Variants in CHAC1 observed in about 807,000 individuals in gnomAD.
CHAC1 encodes the protein glutathione-specific gamma-glutamylcyclotransferase 1.
A neutral mutation model predicts 22.1 loss-of-function variants in CHAC1; 22 were observed. The observed-to-expected ratio is 1.00, with a 90% CI of 0.71 to 1.42. The LOEUF is 1.42. CHAC1 is among the 40% of genes most tolerant of loss of function. CHAC1 has a pLI of 0.00. For missense variants in CHAC1, 272 were observed against 299.2 expected, an observed-to-expected ratio of 0.91 and a Z score of 0.67; for synonymous variants, 145 against 128.7, an observed-to-expected ratio of 1.13 and a Z score of -0.86.
In CHAC1 at chr15:40,956,184, C is replaced by T. The variant is rs1893242606; in HGVS notation, c.*410C>T. On this transcript the variant is annotated 3_prime_UTR_variant, in exon 3 of 3. Transcript: ENST00000617768. Reference sequence around the variant, plus strand: ...CAGCCATCCATAGCCCTGGGAATTCCACCTGCCAAGGATCCCAGCAGGCTG... The same window carrying T: ...CAGCCATCCATAGCCCTGGGAATTCTACCTGCCAAGGATCCCAGCAGGCTG... 2 of 175,770 alleles carry T rather than the reference C, an allele frequency of 1.1e-5. No homozygotes were observed. Among genetic ancestry groups the T allele is most frequent in the South Asian group, 1.4e-4 (1 of 6,954 alleles). The allele number at this position is 175,770 out of a possible 1,614,324, so 10.9% of individuals were successfully genotyped here.
intron 1 of CHAC1, 170 bp from the exon 2 acceptor site, chr15:40,954,058 T>G: frequency 1.4e-6 from 1 of 723,700 alleles, no homozygotes; most frequent in Non-Finnish European, 2.3e-6. Flanking sequence ...TTTCTGGACG[T>G]TTCTCCTACA....
Position 40,956,010 on chromosome 15 carries a change from C to T in CHAC1, c.*236C>T. On this transcript the variant is annotated 3_prime_UTR_variant, in exon 3 of 3. Transcript: ENST00000617768. ...GTTGGTGTGGTGGGCAGGTGGAGGG[C>T]CTGCCCTGGACACAGGGGCCCTGCT... The T allele has an allele frequency of 1.8e-6, 1 of 542,252 alleles. No homozygotes were observed. The highest frequency in any genetic ancestry group is 3.3e-6 in the Non-Finnish European group (1 of 306,354). 33.6% of individuals were successfully genotyped at this position (542,252 alleles called of 1,614,324 possible).
intron 2 of CHAC1, among the ~76,000 whole-genome samples, chr15:40,954,780 T>C (rs2140380162): frequency 6.6e-6 from 1 of 152,140 alleles, no homozygotes; most frequent in South Asian, 2.1e-4. Flanking sequence ...ATTTTTGTAT[T>C]TTTAGTAGAG....
intron 1 of CHAC1, 129 bp from the exon 2 acceptor site, chr15:40,954,099 A>G (rs900487103): frequency 2.1e-6 from 2 of 943,394 alleles, no homozygotes; most frequent in Admixed American, 2.0e-5. Context: ...CTTCCCCTGC[A>G]TGAATGGGAC....
chr15:40,956,474 A>G lies in CHAC1; in HGVS notation c.*700A>G, dbSNP rs1353315439. On this transcript the variant is annotated 3_prime_UTR_variant, in exon 3 of 3. Coordinates refer to ENST00000617768, the MANE Select transcript of CHAC1 (RefSeq NM_024111.6). ...CACTACAGGCCCTGGCAACCTTCCC[A>G]GTCTGTCCCATACTGTTACCCATAA... 1 of 152,478 alleles carries G rather than the reference A, an allele frequency of 6.6e-6. No homozygotes were observed. Among genetic ancestry groups the G allele is most frequent in the African/African-American group, 2.4e-5 (1 of 41,436 alleles). The allele number at this position is 152,478 out of a possible 1,614,324, so 9.4% of individuals were successfully genotyped here.
Position 40,953,492 on chromosome 15 carries a change from CCAGGCCAGGTGTGTG to C in CHAC1, c.-90_-76del. On this transcript the variant is annotated 5_prime_UTR_variant, in exon 1 of 3. Coordinates refer to ENST00000617768, the MANE Select transcript of CHAC1 (RefSeq NM_024111.6). ...GCTCAGCTGGAGCTACCGAGCGGTG[CCAGGCCAGGTGTGTG>C]CGTCCGTCGGTCTTTCCGTGCCCAC... 6.4e-7 allele frequency: 1 copy of C among 1,556,924 alleles called. No individual in the cohort carries two copies. The highest frequency in any genetic ancestry group is 8.7e-7 in the Non-Finnish European group (1 of 1,154,254).
In CHAC1 at chr15:40,955,621, CG is replaced by C. The variant is rs996448077; in HGVS notation, c.518del (p.Gly173AlafsTer108). 5 of 1,613,710 alleles carry C rather than the reference CG, an allele frequency of 3.1e-6. No homozygotes were observed. The African/African-American group carries it at 6.7e-5, about 22-fold the overall frequency. Reference protein sequence around the residue: ...TQILACRGFSGHNLEYLLRLA... With the variant: ...TQILACRGFSXHNLEYLLRLA... ...AGATCCTGGCCTGCCGGGGCTTCTC[CG>C]GCCACAACCTTGAATACTTGCTGCG... On this transcript the variant is annotated frameshift_variant, in exon 3 of 3. Transcript: ENST00000617768. LOFTEE classifies it high-confidence loss of function.
In CHAC1 at chr15:40,955,320, G is replaced by A. The variant is rs1596208812; in HGVS notation, c.268-53G>A. The A allele has an allele frequency of 3.1e-6, 5 of 1,589,624 alleles. No individual in the cohort carries two copies. In the East Asian group the frequency reaches 9.0e-5, roughly 28 times the overall value. On this transcript the variant is annotated intron_variant, in intron 2 of 2. Coordinates refer to ENST00000617768, the MANE Select transcript of CHAC1 (RefSeq NM_024111.6). The stretch of plus-strand genomic sequence containing the variant: ...GGGGTGGCATGTTAGGATAGGAGAG[G>A]GAGCAGCAAGGAGCTGTCATGACTG...
rs745795685 is a variant in CHAC1, at chr15:40,953,715, G to A, written c.132G>A (p.Arg44=). Reference sequence around the variant, plus strand: ...TCGGGTACGGCTCCCTGGTGTGGAGGCCCGACTTCGCCTACAGCGACAGCC... The same window carrying A: ...TCGGGTACGGCTCCCTGGTGTGGAGACCCGACTTCGCCTACAGCGACAGCC... The part of the protein sequence containing the change: ...WIFGYGSLVW[R]PDFAYSDSRV... The change falls in exon 1 of 3, where the codon AGG becomes AGA. Residue 44 remains arginine (R), a synonymous_variant. Coordinates refer to ENST00000617768, the MANE Select transcript of CHAC1 (RefSeq NM_024111.6). The A allele has an allele frequency of 6.9e-6, 11 of 1,604,880 alleles. No homozygotes were observed. The African/African-American group carries it at 1.1e-4, about 16-fold the overall frequency.
At position 40,956,495 on chromosome 15, in the gene CHAC1, C is replaced by G. The variant is rs1293383084; in HGVS notation, c.*721C>G. 2.0e-5 allele frequency: 3 copies of G among 152,374 alleles called. No individual in the cohort carries two copies. The highest frequency in any genetic ancestry group is 1.3e-4 in the Admixed American group (2 of 15,284). The allele number at this position is 152,374 out of a possible 1,614,324, so 9.4% of individuals were successfully genotyped here. A position where few individuals can be genotyped will look rare whatever the true frequency, so the allele number is the denominator to read the frequency against. On this transcript the variant is annotated 3_prime_UTR_variant, in exon 3 of 3. Transcript: ENST00000617768. The stretch of plus-strand genomic sequence containing the variant: ...TCCCAGTCTGTCCCATACTGTTACC[C>G]ATAAAACTATCTCTTTATCTGTGCT...
Position 40,953,739 on chromosome 15 carries a change from C to G in CHAC1, c.156C>G (p.Ser52Arg). Residue 52 changes from serine to arginine, a missense_variant, in exon 1 of 3, where the codon AGC becomes AGG. By Grantham distance (110) the Ser-to-Arg change is moderately radical. Coordinates refer to ENST00000617768, the MANE Select transcript of CHAC1 (RefSeq NM_024111.6). ...GGCCCGACTTCGCCTACAGCGACAG[C>G]CGTGTGGGCTTCGTGCGCGGCTACA... is the stretch of plus-strand genomic sequence containing the variant. ...VWRPDFAYSD[S>R]RVGFVRGYSR... 6.2e-7 allele frequency: 1 copy of G among 1,602,862 alleles called. No individual in the cohort carries two copies. Among genetic ancestry groups the G allele is most frequent in the African/African-American group, 1.3e-5 (1 of 75,072 alleles).
In CHAC1 at chr15:40,955,301, G is replaced by C; in HGVS notation, c.268-72G>C. The C allele has an allele frequency of 2.0e-6, 3 of 1,533,368 alleles. No individual in the cohort carries two copies. The Admixed American group carries it at 5.1e-5, about 26-fold the overall frequency. The allele number at this position is 1,533,368 out of a possible 1,614,324, so 95.0% of individuals were successfully genotyped here. On this transcript the variant is annotated intron_variant, in intron 2 of 2. Coordinates refer to ENST00000617768, the MANE Select transcript of CHAC1 (RefSeq NM_024111.6). ...TAGAGCACAGTCCTGGGTGGGGGTG[G>C]CATGTTAGGATAGGAGAGGGAGCAG...
intron 1 of CHAC1, 61 bp from the exon 2 acceptor site, chr15:40,954,167 C>T: frequency 6.3e-7 from 1 of 1,582,362 alleles, no homozygotes; most frequent in Non-Finnish European, 8.7e-7. Flanking sequence ...TAAAGGTTTC[C>T]TTGCTGATGG....
chr15:40,954,078 C>A, intron 1 of CHAC1, 150 bp from the exon 2 acceptor site: 2 of 805,060 alleles, frequency 2.5e-6, no homozygotes, highest in Non-Finnish European at 2.0e-6. Context: ...ATCCGTGCAT[C>A]GCTCCCCCAC....
In CHAC1 at chr15:40,955,745, C is replaced by G. The variant is rs768227331; in HGVS notation, c.640C>G (p.Pro214Ala). 1 of 1,599,732 alleles carries G rather than the reference C, an allele frequency of 6.3e-7. No homozygotes were observed. The highest frequency in any genetic ancestry group is 8.5e-7 in the Non-Finnish European group (1 of 1,178,496). ...GGGCACCATGTTGCCCTGCTTCTGC[C>G]CCACCGAGCAGGCTCTGGCGCTGGT... ...AVGTMLPCFC[P>A]TEQALALV Residue 214 changes from proline to alanine, a missense_variant, in exon 3 of 3, where the codon CCC (proline) becomes GCC (alanine). Coordinates refer to ENST00000617768, the MANE Select transcript of CHAC1 (RefSeq NM_024111.6).
Position 40,955,795 on chromosome 15 carries a change from A to G in CHAC1, c.*21A>G. ...TGTGAGGGGCTGAGCCCCTGCGGGG[A>G]GTGCTCATGTGGACATCAGGGCCAG... On this transcript the variant is annotated 3_prime_UTR_variant, in exon 3 of 3. Coordinates refer to ENST00000617768, the MANE Select transcript of CHAC1 (RefSeq NM_024111.6). The G allele has an allele frequency of 6.4e-7, 1 of 1,566,710 alleles. No individual in the cohort carries two copies. The highest frequency in any genetic ancestry group is 1.2e-5 in the South Asian group (1 of 86,830).
At chr15:40,954,347 G>T in intron 2 of CHAC1, 84 bp downstream of exon 2, 2 of 1,405,668 alleles carry the variant, frequency 1.4e-6, no homozygotes, top group South Asian at 1.2e-5. Flanking sequence ...TTGGCTGCAG[G>T]CTAGCTCTGT....
Position 40,955,517 on chromosome 15 carries a change from C to A in CHAC1, c.412C>A (p.Leu138Met), listed in dbSNP as rs780556428. The A allele has an allele frequency of 6.2e-7, 1 of 1,614,204 alleles. No individual in the cohort carries two copies. The highest frequency in any genetic ancestry group is 8.5e-7 in the Non-Finnish European group (1 of 1,180,042). ...TCCCCAAGATGCTCCTGACCAACCA[C>A]TGAAGGCATTGGCCTATGTGGCCAC... ...FYPQDAPDQP[L>M]KALAYVATPQ... The change falls in exon 3 of 3, where the codon CTG (leucine) becomes ATG (methionine). Residue 138 changes from leucine to methionine, a missense_variant. Leu to Met is a conservative substitution (Grantham distance 15). Coordinates refer to ENST00000617768, the MANE Select transcript of CHAC1 (RefSeq NM_024111.6).
chr15:40,953,839 G>T, intron 1 of CHAC1, 25 bp downstream of exon 1: 1 of 1,546,390 alleles, frequency 6.5e-7, no homozygotes, highest in Non-Finnish European at 8.7e-7. Flanking sequence ...GTGCCCAGGG[G>T]AGTGAGGGGG....
Sources: allele counts gnomAD v4.1 joint callset (sites outside exome capture counted in the v4.1 genomes callset), GRCh38; gene constraint gnomAD v4.1.1; transcripts MANE v1.5; gene names NCBI Gene and HGNC (gene_info 2026-07-23, HGNC 2026-07-21).